The following WDR7 variants were observed in gnomAD, a reference collection of about 807,000 sequenced individuals.
WDR7 encodes WD repeat-containing protein 7.
Under a neutral mutation model 169.4 loss-of-function variants are expected in WDR7, and 46 were observed. The observed-to-expected ratio is 0.27, with a 90% CI of 0.21 to 0.35. The LOEUF is 0.35. Among genes scored for constraint, WDR7 ranks in the 10% least tolerant of loss-of-function variants. WDR7 has a pLI of 1.00. For missense variants in WDR7, 1,534 were observed against 1,859.3 expected (o/e 0.83, Z 3.22); for synonymous variants, 612 against 666.8 (o/e 0.92, Z 1.27).
chr18:56,728,793 A>G lies in WDR7; in HGVS notation c.1775-2590A>G, dbSNP rs182691231. On this transcript the variant is annotated intron_variant, in intron 13 of 27. Coordinates refer to ENST00000254442, the MANE Select transcript of WDR7 (RefSeq NM_015285.3). The stretch of plus-strand genomic sequence containing the variant: ...CTCCTCTCTCCACTCAGGTTCCAAC[A>G]GTGTCTCTTGATGCACATGCTTCTG... Among the ~76,000 whole-genome samples the G allele has an allele frequency of 2.6e-5, 4 of 152,276 alleles. No individual in the cohort carries two copies. The East Asian group carries it at 7.7e-4, about 29-fold the overall frequency.
chr18:57,026,908 G>A, intron 27 of WDR7, 96 bp from the exon 28 acceptor site: 4 of 1,264,072 alleles, frequency 3.2e-6, no homozygotes, highest in Non-Finnish European at 4.5e-6. Context: ...TAACCATGAT[G>A]GAGGGGAAAG....
chr18:56,696,271 C>G lies in WDR7; in HGVS notation c.1387C>G (p.His463Asp). ...GWPPHRTLRG[H>D]RNKVTCLLYP... ...GCCACCTCACAGAACACTCCGTGGT[C>G]ATCGGAACAAAGTCACATGTTTGCT... Residue 463 changes from histidine to aspartate, a missense_variant, in exon 12 of 28, where the codon CAT (histidine) becomes GAT (aspartate). Coordinates refer to ENST00000254442, the MANE Select transcript of WDR7 (RefSeq NM_015285.3). 4 of 1,614,004 alleles carry G rather than the reference C, an allele frequency of 2.5e-6. No individual in the cohort carries two copies. Among genetic ancestry groups the G allele is most frequent in the Non-Finnish European group, 3.4e-6 (4 of 1,179,946 alleles).
intron 16 of WDR7, among the ~76,000 whole-genome samples, chr18:56,760,516 A>G (rs1008693585): frequency 1.3e-5 from 2 of 152,152 alleles, no homozygotes; most frequent in Admixed American, 6.5e-5. Context: ...TAGTTTGTCC[A>G]TTTTCATTGC....
chr18:56,738,833 GTTGT>G (rs200938249), intron 14 of WDR7, among the ~76,000 whole-genome samples: 547 of 46,218 alleles, frequency 0.012, 10 homozygotes, highest in African/African-American at 0.041. Context: ...TGCAAAATGT[GTTGT>G]TTAACTTTTT....
intron 19 of WDR7, among the ~76,000 whole-genome samples, chr18:56,805,064 C>T (rs1028610898): frequency 6.6e-6 from 1 of 152,126 alleles, no homozygotes; most frequent in Admixed American, 6.6e-5. Context: ...ACCTAGTCCA[C>T]TCAGACTCTC....
At chr18:56,845,071 C>T (rs1410555596) in intron 20 of WDR7, among the ~76,000 whole-genome samples, 1 of 152,044 alleles carries the variant, frequency 6.6e-6, no homozygotes, top group African/African-American at 2.4e-5. Context: ...CACTGGGGTA[C>T]TTGGAATATA....
intron 20 of WDR7, among the ~76,000 whole-genome samples, chr18:56,856,928 T>C (rs1317103598): frequency 6.6e-6 from 1 of 152,176 alleles, no homozygotes; most frequent in East Asian, 1.9e-4. Flanking sequence ...ATGTTTAAAA[T>C]ATTATGTAAT....
chr18:56,933,559 T>C (rs773684387), intron 22 of WDR7, among the ~76,000 whole-genome samples: 3 of 152,234 alleles, frequency 2.0e-5, no homozygotes, highest in Non-Finnish European at 2.9e-5. Flanking sequence ...AAGCTAAGTA[T>C]TATAACATAT....
At chr18:56,832,908 C>T (rs532224511) in intron 20 of WDR7, among the ~76,000 whole-genome samples, 28 of 152,208 alleles carry the variant, frequency 1.8e-4, no homozygotes, top group African/African-American at 6.5e-4. Context: ...CTGAAAATTC[C>T]TAAAACCAGA....
chr18:56,916,056 G>A (rs1483512454), intron 21 of WDR7, among the ~76,000 whole-genome samples: 14 of 152,114 alleles, frequency 9.2e-5, no homozygotes, highest in African/African-American at 2.4e-4. Flanking sequence ...AACTTCCTGC[G>A]GGTAACTGCA....
the WDR7 span, chr18:57,035,962 G>C: frequency 6.6e-6 from 1 of 152,230 alleles, no homozygotes; most frequent in South Asian, 2.1e-4. Context: ...AAATGGCATG[G>C]TTAGCAGGAG....
In WDR7 at chr18:56,826,041, A is replaced by G. The variant is rs994692584; in HGVS notation, c.3304+9897A>G. Among the ~76,000 whole-genome samples, 12 of 90,696 alleles carry G rather than the reference A, an allele frequency of 1.3e-4. 1 individual carries two copies. Among genetic ancestry groups the G allele is most frequent in the Admixed American group, 1.2e-3 (12 of 10,110 alleles). 59.5% of individuals were successfully genotyped at this position (90,696 alleles called of 152,430 possible). A position where few individuals can be genotyped will look rare whatever the true frequency, so the allele number is the denominator to read the frequency against. ...AATACTTAGTTGGATAATAATGTAG[A>G]TGCTGCATTGGGGTTGGGGGAGGGC... On this transcript the variant is annotated intron_variant, in intron 20 of 27. Transcript: ENST00000254442.
intron 20 of WDR7, among the ~76,000 whole-genome samples, chr18:56,848,431 G>A (rs1003993253): frequency 7.9e-5 from 12 of 152,166 alleles, no homozygotes; most frequent in African/African-American, 2.9e-4. Flanking sequence ...TGGGACTTTT[G>A]AGTTAATGCT....
intron 19 of WDR7, 174 bp downstream of exon 19, chr18:56,781,830 C>A: frequency 1.3e-6 from 1 of 779,746 alleles, no homozygotes; most frequent in Non-Finnish European, 1.7e-6. Flanking sequence ...TAGTTTGGAA[C>A]TTGCTTTAAA....
intron 20 of WDR7, among the ~76,000 whole-genome samples, chr18:56,861,962 A>G (rs1462320667): frequency 6.6e-6 from 1 of 152,068 alleles, no homozygotes; most frequent in Admixed American, 6.6e-5. Context: ...GTACCTATAG[A>G]TAGGTGCATT....
intron 26 of WDR7, among the ~76,000 whole-genome samples, chr18:56,984,854 T>C (rs576029146): frequency 6.6e-6 from 1 of 152,244 alleles, no homozygotes; most frequent in East Asian, 1.9e-4. Context: ...TAGCGTACTG[T>C]GGGAAGTGGA....
intron 20 of WDR7, among the ~76,000 whole-genome samples, chr18:56,865,630 T>C (rs1034225289): frequency 1.3e-5 from 2 of 152,160 alleles, no homozygotes; most frequent in Non-Finnish European, 2.9e-5. Context: ...CCATATATTG[T>C]ATTTGGAGAA....
chr18:56,842,065 C>T (rs945061766), intron 20 of WDR7, among the ~76,000 whole-genome samples: 1 of 152,138 alleles, frequency 6.6e-6, no homozygotes, highest in Admixed American at 6.5e-5. Context: ...GTTATTTTCC[C>T]TCACTGCTTC....
intron 13 of WDR7, among the ~76,000 whole-genome samples, chr18:56,723,551 T>A (rs1008712153): frequency 1.3e-5 from 2 of 152,166 alleles, no homozygotes; most frequent in Non-Finnish European, 1.5e-5. Context: ...TGGGTTGCAT[T>A]ATTTTCAGCA....
Sources: gnomAD v4.1 joint callset for allele counts (sites outside exome capture counted in the v4.1 genomes callset) on GRCh38, gnomAD v4.1.1 for gene constraint, MANE v1.5 for transcripts, NCBI Gene and HGNC (gene_info 2026-07-23, HGNC 2026-07-21) for gene names.